The following PRKCH variants were observed in gnomAD, a reference collection of about 807,000 sequenced individuals.
The protein encoded by PRKCH is protein kinase C eta.
In PRKCH, 28 loss-of-function variants were observed where a neutral mutation model predicts 82.5. The observed-to-expected ratio is 0.34, with a 90% CI of 0.25 to 0.47. The LOEUF (loss-of-function observed/expected upper bound fraction) is 0.47. Ranked by LOEUF, PRKCH falls within the 20% of genes least tolerant of loss-of-function variation. The pLI is 1.00. For missense variants in PRKCH, 705 were observed against 881.8 expected (o/e 0.80, Z 2.54); for synonymous variants, 322 against 327.4 (o/e 0.98, Z 0.18).
intron 2 of PRKCH, among the ~76,000 whole-genome samples, chr14:61,439,918 T>C (rs1158322448): frequency 2.0e-5 from 3 of 152,178 alleles, no homozygotes; most frequent in African/African-American, 7.2e-5. Context: ...AAAATAGGAT[T>C]CAGTTGATGA....
chr14:61,317,661 G>A (rs2045574478), upstream of PRKCH, among the ~76,000 whole-genome samples: 2 of 152,110 alleles, frequency 1.3e-5, no homozygotes, highest in Middle Eastern at 3.4e-3. Context: ...AAACTTTTTG[G>A]TTGGTTTCCA....
At chr14:61,209,149 G>A (rs1023498339) in intron 1 of PRKCH, among the ~76,000 whole-genome samples, 2 of 152,032 alleles carry the variant, frequency 1.3e-5, no homozygotes, top group Non-Finnish European at 2.9e-5. Context: ...CTTCCGCCAT[G>A]GGATGATGTA....
intron 1 of PRKCH, among the ~76,000 whole-genome samples, chr14:61,237,481 C>A (rs1242630355): frequency 6.6e-6 from 1 of 152,150 alleles, no homozygotes; most frequent in Non-Finnish European, 1.5e-5. Context: ...AGTCTGACAG[C>A]TTTTTAAGTC....
At chr14:61,372,262 C>T (rs560077326) in intron 1 of PRKCH, among the ~76,000 whole-genome samples, 12 of 152,176 alleles carry the variant, frequency 7.9e-5, no homozygotes, top group Non-Finnish European at 1.8e-4. Flanking sequence ...CTTGTTGCTA[C>T]TGAGGTGTCA....
chr14:61,261,841 C>T (rs1412031810), intron 1 of PRKCH, among the ~76,000 whole-genome samples: 1 of 152,096 alleles, frequency 6.6e-6, no homozygotes, highest in East Asian at 1.9e-4. Context: ...GATAAACAGG[C>T]ATCTACCCTA....
chr14:61,237,298 T>C (rs1164432911), intron 1 of PRKCH, among the ~76,000 whole-genome samples: 1 of 151,100 alleles, frequency 6.6e-6, no homozygotes, highest in Non-Finnish European at 1.5e-5. Flanking sequence ...TAGCATCACA[T>C]GACAGATAGC....
At chr14:61,255,539 AAGAC>A (rs1209386584) in intron 1 of PRKCH, among the ~76,000 whole-genome samples, 1 of 152,242 alleles carries the variant, frequency 6.6e-6, no homozygotes, top group Non-Finnish European at 1.5e-5. Flanking sequence ...TCTTAAAAAA[AAGAC>A]AGTCTTGTAA....
chr14:61,209,319 A>T (rs1358717774), intron 1 of PRKCH, among the ~76,000 whole-genome samples: 2 of 66,506 alleles, frequency 3.0e-5, no homozygotes, highest in South Asian at 4.1e-4. Flanking sequence ...TTAAAAAAAA[A>T]AAAAAAAAAA....
chr14:61,244,377 G>A (rs2044863895), intron 1 of PRKCH, among the ~76,000 whole-genome samples: 1 of 152,136 alleles, frequency 6.6e-6, no homozygotes, highest in South Asian at 2.1e-4. Context: ...ACCTGAAACG[G>A]TATATGAGTA....
chr14:61,262,228 A>AAAAAAAAAAAAAAAAAAAAAAAAAAAT (rs2045054182), intron 1 of PRKCH, among the ~76,000 whole-genome samples: 1 of 151,462 alleles, frequency 6.6e-6, no homozygotes, highest in African/African-American at 2.4e-5. Context: ...ATAAAAAAAA[A>AAAAAAAAAAAAAAAAAAAAAAAAAAAT]AAAAGAATAT....
intron 2 of PRKCH, among the ~76,000 whole-genome samples, chr14:61,397,933 A>T (rs901597570): frequency 1.3e-5 from 2 of 152,310 alleles, no homozygotes; most frequent in African/African-American, 4.8e-5. Flanking sequence ...AAACTCTTTT[A>T]CATTCATTGC....
At chr14:61,430,353 A>C (rs1304270900) in intron 2 of PRKCH, among the ~76,000 whole-genome samples, 3 of 152,238 alleles carry the variant, frequency 2.0e-5, no homozygotes, top group Non-Finnish European at 2.9e-5. Context: ...TCATATTTTT[A>C]GTGGGAGTTC....
intron 1 of PRKCH, among the ~76,000 whole-genome samples, chr14:61,329,232 G>GTTTTT (rs369546229): frequency 6.2e-5 from 1 of 16,136 alleles, no homozygotes. Context: ...AAACTCCTGA[G>GTTTTT]TCTTTTTTTT....
chr14:61,210,754 TTC>T (rs57385240), intron 1 of PRKCH, among the ~76,000 whole-genome samples: 3,207 of 144,344 alleles, frequency 0.022, 91 homozygotes, highest in African/African-American at 0.068. Context: ...CAAGAGTCCT[TTC>T]TCTCTCTCTC....
chr14:61,529,882 G>A (rs2043021935), intron 11 of PRKCH, among the ~76,000 whole-genome samples: 1 of 136,910 alleles, frequency 7.3e-6, no homozygotes. Context: ...ATGTGCGCAT[G>A]TACCCTAAAA....
intron 1 of PRKCH, among the ~76,000 whole-genome samples, chr14:61,272,328 CTTTTCTTTTTTCTTTCT>C (rs2045162013): frequency 9.1e-6 from 1 of 110,190 alleles, no homozygotes; most frequent in African/African-American, 3.4e-5. Context: ...ATTTCTTTTT[CTTTTCTTTTTTCTTTCT>C]TTTTTTTTTT....
chr14:61,311,648 C>T (rs998027352), intron 1 of PRKCH, among the ~76,000 whole-genome samples: 1 of 152,240 alleles, frequency 6.6e-6, no homozygotes, highest in Non-Finnish European at 1.5e-5. Context: ...TCTGTTTTCA[C>T]ACTGCTACAA....
At chr14:61,276,906 G>A (rs568887119) in intron 1 of PRKCH, among the ~76,000 whole-genome samples, 9 of 152,172 alleles carry the variant, frequency 5.9e-5, no homozygotes, top group Admixed American at 3.3e-4. Flanking sequence ...TACATAGGCC[G>A]GGTTTGGTGG....
intron 1 of PRKCH, among the ~76,000 whole-genome samples, chr14:61,286,584 C>T (rs1325561454): frequency 6.6e-6 from 1 of 151,802 alleles, no homozygotes; most frequent in African/African-American, 2.4e-5. Flanking sequence ...CGAGATCAGT[C>T]TGACCAACAT....
Sources: gnomAD v4.1 joint callset for allele counts (sites outside exome capture counted in the v4.1 genomes callset) on GRCh38, gnomAD v4.1.1 for gene constraint, MANE v1.5 for transcripts, NCBI Gene and HGNC (gene_info 2026-07-23, HGNC 2026-07-21) for gene names.